The following KRT86 variants were observed in gnomAD, a reference collection of about 807,000 sequenced individuals.
The protein encoded by KRT86 is keratin, type II cuticular Hb6.
In KRT86, 30 loss-of-function variants were observed where a neutral mutation model predicts 41.2. That is an observed-to-expected ratio of 0.73 (90% CI 0.54 to 0.99). The LOEUF is 0.99. Among genes scored for constraint, KRT86 ranks in the 50% least tolerant of loss-of-function variants. The probability of loss-of-function intolerance (pLI) is 0.00; values close to 1 mark genes in which losing one functional copy is unlikely to be tolerated. For synonymous variants in KRT86, 238 were observed against 238.1 expected (o/e 1.00, Z 0.00); for missense variants, 561 against 571.4 (o/e 0.98, Z 0.19).
chr12:52,287,629 C>G, intron 2 of KRT86: 1 of 1,613,960 alleles, frequency 6.2e-7, no homozygotes, highest in Middle Eastern at 1.7e-4. Context: ...CGGCCGTCAG[C>G]CTTTGGATCA....
At chr12:52,304,877 A>C in intron 5 of KRT86, 55 bp from the exon 6 acceptor site, 3 of 1,569,226 alleles carry the variant, frequency 1.9e-6, no homozygotes, top group Non-Finnish European at 1.8e-6. Flanking sequence ...AGAGAGAGGA[A>C]TCTAGAGGCT....
chr12:52,299,983 C>T (rs1938335892), intron 2 of KRT86, among the ~76,000 whole-genome samples: 1 of 152,098 alleles, frequency 6.6e-6, no homozygotes, highest in Admixed American at 6.6e-5. Flanking sequence ...CTTTGGTTGC[C>T]TTTGGTTTTG....
rs1010863779 is a variant in KRT86 at position 52,274,727 on chromosome 12, G to A, written c.-131+5G>A. 3 of 985,312 alleles carry A rather than the reference G, an allele frequency of 3.0e-6. No individual in the cohort carries two copies. In the African/African-American group the frequency reaches 5.2e-5, roughly 17 times the overall value. The allele number at this position is 985,312 out of a possible 1,614,324, so 61.0% of individuals were successfully genotyped here. ...GACCACAGTTCTTTCTCCATGGTGA[G>A]ACTCATACACGTGGCTCCCTGGTCA... On this transcript the variant is annotated splice_donor_5th_base_variant and intron_variant, in intron 1 of 10. Transcript: ENST00000423955.
chr12:52,307,917 T>C (rs754620921), intron 9 of KRT86, among the ~76,000 whole-genome samples: 17 of 152,254 alleles, frequency 1.1e-4, no homozygotes, highest in Non-Finnish European at 1.8e-4. Flanking sequence ...CACTAAGCAC[T>C]GGACGCTTCT....
In KRT86 at chr12:52,301,982, C is replaced by A. The variant is rs765348086; in HGVS notation, c.66C>A (p.Pro22=). The A allele has an allele frequency of 6.2e-7, 1 of 1,613,218 alleles. No individual in the cohort carries two copies. Among genetic ancestry groups the A allele is most frequent in the Non-Finnish European group, 8.5e-7 (1 of 1,179,678 alleles). Residue 22 remains proline, a synonymous_variant, in exon 3 of 11, where the codon CCC becomes CCA. Transcript: ENST00000423955. The stretch of plus-strand genomic sequence containing the variant: ...GCATCTCGGCCTGCGGGCCCCGGCC[C>A]GGCCGCTGCTGCATCACCGCCGCCC... ...FSCISACGPR[P]GRCCITAAPY...
rs1565749203 is a variant in KRT86 at position 52,304,926 on chromosome 12, T to A, written c.640-6T>A. The A allele has an allele frequency of 6.2e-7, 1 of 1,614,034 alleles. No homozygotes were observed. Among genetic ancestry groups the A allele is most frequent in the Non-Finnish European group, 8.5e-7 (1 of 1,179,966 alleles). ...CCTTGAGCTCCAACACTCCCCACCTTTCCAGGATGTGGACTGCGCCTACCT... is the reference window on the plus strand; with the variant it reads ...CCTTGAGCTCCAACACTCCCCACCTATCCAGGATGTGGACTGCGCCTACCT... On this transcript the variant is annotated splice_region_variant and splice_polypyrimidine_tract_variant and intron_variant, in intron 5 of 10. Transcript: ENST00000423955.
intron 9 of KRT86, chr12:52,306,491 A>T (rs1938522691): frequency 4.1e-6 from 3 of 730,798 alleles, no homozygotes; most frequent in Non-Finnish European, 6.6e-6. Context: ...AGTCTTGTTC[A>T]TCTCAGTTGA....
In KRT86 at chr12:52,304,881, A is replaced by G. The variant is rs564079510; in HGVS notation, c.640-51A>G. On this transcript the variant is annotated intron_variant, in intron 5 of 10. Coordinates refer to ENST00000423955, the MANE Select transcript of KRT86 (RefSeq NM_001320198.2). Reference sequence around the variant, plus strand: ...AATGGGTGGGAAGAGAGAGGAATCTAGAGGCTGGATCACCAGGGTCCTTGA... The same window carrying G: ...AATGGGTGGGAAGAGAGAGGAATCTGGAGGCTGGATCACCAGGGTCCTTGA... 1.0e-5 allele frequency: 16 copies of G among 1,585,144 alleles called. No individual in the cohort carries two copies. In the African/African-American group the frequency reaches 1.2e-4, roughly 12 times the overall value.
At chr12:52,308,069 CT>C in intron 9 of KRT86, 163 bp from the exon 10 acceptor site, 1 of 830,736 alleles carries the variant, frequency 1.2e-6, no homozygotes, top group Non-Finnish European at 1.9e-6. Context: ...TCTCCAGACC[CT>C]CACGGTGACC....
intron 2 of KRT86, among the ~76,000 whole-genome samples, chr12:52,276,345 T>C (rs1425317435): frequency 6.6e-6 from 1 of 152,100 alleles, no homozygotes; most frequent in African/African-American, 2.4e-5. Flanking sequence ...GATCTGGCAA[T>C]GTTAAATTAT....
chr12:52,302,841 T>G (rs1403185744), intron 3 of KRT86, among the ~76,000 whole-genome samples: 16 of 127,214 alleles, frequency 1.3e-4, no homozygotes, highest in Admixed American at 8.2e-4. Context: ...GGGTGGGGGG[T>G]GGGGGGGGGG....
chr12:52,292,944 C>A (rs1938166737), intron 2 of KRT86, among the ~76,000 whole-genome samples: 1 of 152,124 alleles, frequency 6.6e-6, no homozygotes, highest in African/African-American at 2.4e-5. Context: ...CAAGACCAGC[C>A]TCAGTGGAGG....
intron 2 of KRT86, chr12:52,286,296 G>A (rs1310893601): frequency 1.9e-6 from 3 of 1,554,564 alleles, no homozygotes; most frequent in Non-Finnish European, 1.7e-6. Context: ...CCCACACCCA[G>A]GGAGCTGATA....
At chr12:52,274,812 C>A in intron 1 of KRT86, 90 bp downstream of exon 1, 1 of 865,138 alleles carries the variant, frequency 1.2e-6, no homozygotes, top group Non-Finnish European at 1.4e-6. Context: ...CTTTTGGGAA[C>A]AGGAGCAGAA....
In KRT86 at chr12:52,302,000, C is replaced by A; in HGVS notation, c.84C>A (p.Thr28=). 1 of 1,612,622 alleles carries A rather than the reference C, an allele frequency of 6.2e-7. No homozygotes were observed. Among genetic ancestry groups the A allele is most frequent in the Non-Finnish European group, 8.5e-7 (1 of 1,179,310 alleles). The change falls in exon 3 of 11, where the codon ACC becomes ACA. Residue 28 remains threonine, a synonymous_variant. Transcript: ENST00000423955. ...CCCGGCCCGGCCGCTGCTGCATCAC[C>A]GCCGCCCCCTACCGTGGCATCTCCT... ...CGPRPGRCCI[T]AAPYRGISCY...
At chr12:52,299,260 T>C (rs1231147507) in intron 2 of KRT86, among the ~76,000 whole-genome samples, 4 of 152,254 alleles carry the variant, frequency 2.6e-5, no homozygotes, top group Admixed American at 2.6e-4. Flanking sequence ...TCCATCCATG[T>C]TGTTGCAAAT....
intron 2 of KRT86, among the ~76,000 whole-genome samples, chr12:52,276,391 G>A (rs897114267): frequency 5.3e-5 from 8 of 152,096 alleles, no homozygotes; most frequent in Admixed American, 3.3e-4. Context: ...AGAGGAGAGA[G>A]GCCTCTATCA....
intron 2 of KRT86, among the ~76,000 whole-genome samples, chr12:52,298,754 G>A (rs573592102): frequency 1.3e-5 from 2 of 152,270 alleles, no homozygotes; most frequent in African/African-American, 4.8e-5. Flanking sequence ...CTGAGTCTGT[G>A]TGCTTAACTA....
chr12:52,304,864 G>A, intron 5 of KRT86, 68 bp from the exon 6 acceptor site: 1 of 1,528,416 alleles, frequency 6.5e-7, no homozygotes, highest in African/African-American at 1.4e-5. Flanking sequence ...GGAATGGGTG[G>A]GAAGAGAGAG....
Sources: gnomAD v4.1 joint callset for allele counts (sites outside exome capture counted in the v4.1 genomes callset) on GRCh38, gnomAD v4.1.1 for gene constraint, MANE v1.5 for transcripts, NCBI Gene and HGNC (gene_info 2026-07-23, HGNC 2026-07-21) for gene names.